The following P4HA3 variants were observed in gnomAD, a reference collection of about 807,000 sequenced individuals.
P4HA3 encodes the protein prolyl 4-hydroxylase subunit alpha-3.
Under a neutral mutation model 66.7 loss-of-function variants are expected in P4HA3, and 60 were observed. The ratio of observed to expected loss-of-function variants is 0.90; its 90% CI spans 0.73 to 1.12. P4HA3 has a LOEUF of 1.12. Ranked by LOEUF, P4HA3 falls within the 50% of genes most tolerant of loss-of-function variation. The pLI, the probability that P4HA3 is intolerant of heterozygous loss-of-function variation, is 0.00. For synonymous variants in P4HA3, 263 were observed against 274.6 expected (o/e 0.96, Z 0.42); for missense variants, 683 against 685.8 (o/e 1.00, Z 0.05).
intron 11 of P4HA3, among the ~76,000 whole-genome samples, chr11:74,268,921 T>C (rs904020870): frequency 6.6e-6 from 1 of 152,216 alleles, no homozygotes; most frequent in African/African-American, 2.4e-5. Flanking sequence ...CTCCAGGTCA[T>C]GAAGAGCTTT....
chr11:74,290,944 A>G (rs1441144641), intron 4 of P4HA3, among the ~76,000 whole-genome samples: 3 of 152,162 alleles, frequency 2.0e-5, no homozygotes, highest in Non-Finnish European at 4.4e-5. Context: ...TTTTGATTCC[A>G]TATGAATTTT....
chr11:74,302,360 T>A lies in P4HA3; in HGVS notation c.567+9A>T. ...GCCAAGCAATTGGCCCTCTCTTGAATATTGTTACCTTGCCAACTTGGAAGC... is the reference window on the plus strand; with the variant it reads ...GCCAAGCAATTGGCCCTCTCTTGAAAATTGTTACCTTGCCAACTTGGAAGC... On this transcript the variant is annotated intron_variant, in intron 3 of 12. Coordinates refer to ENST00000331597, the MANE Select transcript of P4HA3 (RefSeq NM_182904.5). The A allele has an allele frequency of 6.2e-7, 1 of 1,608,202 alleles. No homozygotes were observed. Among genetic ancestry groups the A allele is most frequent in the South Asian group, 1.1e-5 (1 of 90,332 alleles).
chr11:74,252,766 T>C (rs1859736110), intron 15 of P4HA3, among the ~76,000 whole-genome samples: 2 of 152,284 alleles, frequency 1.3e-5, no homozygotes, highest in African/African-American at 4.8e-5. Context: ...TCCCCCTCTA[T>C]TGGTCTAGAG....
At chr11:74,259,361 C>G (rs766407976) in intron 15 of P4HA3, among the ~76,000 whole-genome samples, 1 of 152,010 alleles carries the variant, frequency 6.6e-6, no homozygotes, top group Admixed American at 6.6e-5. Context: ...CCAGCCTGGG[C>G]GACAAGAGCA....
chr11:74,294,204 C>T (rs1861134771), intron 4 of P4HA3, among the ~76,000 whole-genome samples: 1 of 152,194 alleles, frequency 6.6e-6, no homozygotes, highest in African/African-American at 2.4e-5. Flanking sequence ...ATTTCGTCTT[C>T]CATCACTGAT....
At chr11:74,269,055 T>A (rs73550730) in intron 11 of P4HA3, among the ~76,000 whole-genome samples, 7,738 of 152,248 alleles carry the variant, frequency 0.051, 502 homozygotes, top group African/African-American at 0.15. Context: ...TACTACCTGC[T>A]TTACAGGAAT....
chr11:74,251,631 A>G (rs201992998), intron 15 of P4HA3: 1 of 1,612,024 alleles, frequency 6.2e-7, no homozygotes, highest in Non-Finnish European at 8.5e-7. Context: ...GGCCTGGAAT[A>G]TCTCTCCCAT....
At chr11:74,286,710 G>A (rs569441914) in intron 5 of P4HA3, among the ~76,000 whole-genome samples, 48 of 152,284 alleles carry the variant, frequency 3.2e-4, no homozygotes, top group African/African-American at 1.1e-3. Flanking sequence ...TATATATGGC[G>A]AAGATGAAGC....
At chr11:74,264,697 G>C (rs1859962316), downstream of P4HA3, among the ~76,000 whole-genome samples, 1 of 152,174 alleles carries the variant, frequency 6.6e-6, no homozygotes, top group African/African-American at 2.4e-5. Flanking sequence ...CCTACCTCTT[G>C]ATGGCAGCAT....
intron 4 of P4HA3, among the ~76,000 whole-genome samples, chr11:74,291,642 T>G: frequency 6.6e-6 from 1 of 152,058 alleles, no homozygotes; most frequent in Admixed American, 6.5e-5. Flanking sequence ...TTATTGAGAG[T>G]TTTTAGCATG....
chr11:74,291,481 T>C (rs1449499902), intron 4 of P4HA3, among the ~76,000 whole-genome samples: 2 of 152,208 alleles, frequency 1.3e-5, no homozygotes, highest in Non-Finnish European at 2.9e-5. Flanking sequence ...TCCAACACTA[T>C]GTTGAATAGG....
chr11:74,291,534 G>C (rs976498532), intron 4 of P4HA3, among the ~76,000 whole-genome samples: 1 of 152,222 alleles, frequency 6.6e-6, no homozygotes, highest in Non-Finnish European at 1.5e-5. Context: ...CGTTTTCAAA[G>C]GGAATGCTTC....
chr11:74,251,923 G>A (rs1380862973), intron 15 of P4HA3: 3 of 751,542 alleles, frequency 4.0e-6, no homozygotes, highest in Non-Finnish European at 7.2e-6. Context: ...ACGGGTTGAT[G>A]CTGAGGCTGT....
At chr11:74,295,665 G>C (rs1029659096) in intron 4 of P4HA3, among the ~76,000 whole-genome samples, 1 of 151,936 alleles carries the variant, frequency 6.6e-6, no homozygotes, top group African/African-American at 2.4e-5. Context: ...TTGTTATCAG[G>C]AGTACTTTGA....
rs776793643 is a variant in P4HA3, at chr11:74,267,268, T to C, written c.1615A>G (p.Ser539Gly). The C allele has an allele frequency of 6.2e-7, 1 of 1,614,256 alleles. No individual in the cohort carries two copies. Among genetic ancestry groups the C allele is most frequent in the Non-Finnish European group, 8.5e-7 (1 of 1,180,046 alleles). The change falls in exon 13 of 13, where the codon AGC (serine) becomes GGC (glycine). Residue 539 changes from serine to glycine, a missense_variant. Transcript: ENST00000331597. ...ACAGTTCAGTCTTCAGGGCTGGAGC[T>C]GCAGGGTCTGCGGAATTCCTGTCCA... ...EYGQEFRRPC[S>G]SSPED
At chr11:74,276,020 G>A (rs1157745238) in intron 9 of P4HA3, among the ~76,000 whole-genome samples, 1 of 152,144 alleles carries the variant, frequency 6.6e-6, no homozygotes, top group Non-Finnish European at 1.5e-5. Flanking sequence ...TGGAGCTGGA[G>A]GCCATTATCC....
chr11:74,303,585 CTT>C (rs574985023), intron 2 of P4HA3, among the ~76,000 whole-genome samples: 4 of 144,048 alleles, frequency 2.8e-5, no homozygotes, highest in Admixed American at 1.4e-4. Flanking sequence ...AAAGTCAACA[CTT>C]TTTTTTTTTT....
rs188032144 is a variant in P4HA3 at position 74,287,409 on chromosome 11, G to A, written c.770-1018C>T. On this transcript the variant is annotated intron_variant, in intron 5 of 12. Transcript: ENST00000331597. ...ACCCCAGTGAAAATATTGCAAAGCC[G>A]GAAATAAAACTGGGAATCTCAACTT... 159 of 1,067,946 alleles carry A rather than the reference G, an allele frequency of 1.5e-4. No homozygotes were observed. The East Asian group carries it at 6.9e-3, about 46-fold the overall frequency. The allele number at this position is 1,067,946 out of a possible 1,614,324, so 66.2% of individuals were successfully genotyped here.
Position 74,251,891 on chromosome 11 carries a change from T to G in P4HA3, c.*1319-3890A>C, listed in dbSNP as rs202124637. 1,749 of 870,536 alleles carry G rather than the reference T, an allele frequency of 2.0e-3. 9 individuals carry two copies. The highest frequency in any genetic ancestry group is 2.7e-3 in the Non-Finnish European group (1,376 of 515,632). The allele number at this position is 870,536 out of a possible 1,614,324, so 53.9% of individuals were successfully genotyped here. A position where few individuals can be genotyped will look rare whatever the true frequency, so the allele number is the denominator to read the frequency against. On this transcript the variant is annotated intron_variant and NMD_transcript_variant, in intron 15 of 15. Coordinates refer to the P4HA3 transcript ENST00000524388. ...CTGTTTCTACAAAGCCATGGTTGGT[T>G]GTTTCTTTGTGCTGTGCTCCCACGG...
Sources: gnomAD v4.1 joint callset for allele counts (sites outside exome capture counted in the v4.1 genomes callset) on GRCh38, gnomAD v4.1.1 for gene constraint, MANE v1.5 for transcripts, NCBI Gene and HGNC (gene_info 2026-07-23, HGNC 2026-07-21) for gene names.